Variants in CDH13 observed in about 807,000 individuals in gnomAD.
The protein encoded by CDH13 is cadherin-13.
CDH13 carries 24 observed loss-of-function variants against 63.8 expected under a neutral mutation model. The ratio of observed to expected loss-of-function variants is 0.38; its 90% CI spans 0.27 to 0.53. The LOEUF is 0.53. Among genes scored for constraint, CDH13 ranks in the 20% least tolerant of loss-of-function variants. The pLI is 0.85. For missense variants in CDH13, 1,049 were observed against 903.1 expected (o/e 1.16, Z -2.07); for synonymous variants, 503 against 355.3 (o/e 1.42, Z -4.67).
chr16:83,146,827 C>A (rs1334116063), intron 4 of CDH13, among the ~76,000 whole-genome samples: 2 of 152,174 alleles, frequency 1.3e-5, no homozygotes, highest in African/African-American at 4.8e-5. Context: ...GTGGCTCACG[C>A]CTGTAATTCC....
intron 1 of CDH13, among the ~76,000 whole-genome samples, chr16:82,684,416 G>A (rs750819916): frequency 6.6e-6 from 1 of 152,130 alleles, no homozygotes; most frequent in South Asian, 2.1e-4. Context: ...ACATGAAGAG[G>A]ATGCCTAGAT....
intron 6 of CDH13, among the ~76,000 whole-genome samples, chr16:83,426,663 C>T (rs1030623561): frequency 2.0e-5 from 3 of 152,212 alleles, no homozygotes; most frequent in Non-Finnish European, 4.4e-5. Context: ...CAGCCTACAT[C>T]ATAGTCTGCC....
chr16:82,753,828 G>T (rs1014932716), intron 1 of CDH13, among the ~76,000 whole-genome samples: 2 of 152,168 alleles, frequency 1.3e-5, no homozygotes, highest in African/African-American at 4.8e-5. Flanking sequence ...CAAGAGAGAA[G>T]TGGCCTTGGT....
intron 7 of CDH13, among the ~76,000 whole-genome samples, chr16:83,504,898 G>C (rs1466808547): frequency 6.6e-6 from 1 of 152,178 alleles, no homozygotes; most frequent in African/African-American, 2.4e-5. Context: ...ATGGTGACAT[G>C]TCAACGTAAT....
chr16:83,653,669 G>T (rs1460794619), intron 8 of CDH13, among the ~76,000 whole-genome samples: 1 of 152,166 alleles, frequency 6.6e-6, no homozygotes, highest in Non-Finnish European at 1.5e-5. Flanking sequence ...GAATCAATCT[G>T]TTGGGAAGAG....
At chr16:83,777,892 C>T (rs1028677773) in intron 11 of CDH13, among the ~76,000 whole-genome samples, 1 of 152,012 alleles carries the variant, frequency 6.6e-6, no homozygotes, top group Admixed American at 6.6e-5. Flanking sequence ...TAAAAGAAAG[C>T]CATAGGTTAG....
chr16:82,931,776 T>C (rs2042502715), intron 2 of CDH13, among the ~76,000 whole-genome samples: 1 of 152,134 alleles, frequency 6.6e-6, no homozygotes, highest in South Asian at 2.1e-4. Flanking sequence ...CTCATGAGAC[T>C]TATTTACTAC....
intron 2 of CDH13, among the ~76,000 whole-genome samples, chr16:82,860,384 T>TGGGGGG (rs1197091420): frequency 6.8e-5 from 2 of 29,562 alleles, no homozygotes; most frequent in African/African-American, 1.4e-4. Flanking sequence ...TGTGTGTGTG[T>TGGGGGG]GTGTGGGGGG....
intron 1 of CDH13, among the ~76,000 whole-genome samples, chr16:82,855,966 G>C (rs1597810827): frequency 6.6e-6 from 1 of 152,206 alleles, no homozygotes; most frequent in South Asian, 2.1e-4. Flanking sequence ...TCAACTGTCT[G>C]TGTGCAGTGG....
intron 6 of CDH13, among the ~76,000 whole-genome samples, chr16:83,350,941 G>T (rs1011588883): frequency 6.6e-6 from 1 of 152,124 alleles, no homozygotes; most frequent in Non-Finnish European, 1.5e-5. Flanking sequence ...CGATCAAGTC[G>T]CCTTTGGGAC....
At chr16:82,950,737 A>G (rs1193372125) in intron 2 of CDH13, among the ~76,000 whole-genome samples, 7 of 151,172 alleles carry the variant, frequency 4.6e-5, no homozygotes. Context: ...CCATGACTTT[A>G]TTTTAACTTG....
At chr16:83,409,300 C>T (rs1477066254) in intron 6 of CDH13, among the ~76,000 whole-genome samples, 1 of 152,094 alleles carries the variant, frequency 6.6e-6, no homozygotes, top group African/African-American at 2.4e-5. Flanking sequence ...AAGGCTGCTG[C>T]TAGGGACATT....
chr16:82,873,907 G>A (rs1352363532), intron 2 of CDH13, among the ~76,000 whole-genome samples: 4 of 152,014 alleles, frequency 2.6e-5, no homozygotes, highest in Admixed American at 6.6e-5. Context: ...AGGGATACTT[G>A]TTCTCCCCCA....
At chr16:83,063,275 T>C (rs1369837725) in intron 3 of CDH13, among the ~76,000 whole-genome samples, 1 of 152,154 alleles carries the variant, frequency 6.6e-6, no homozygotes, top group Non-Finnish European at 1.5e-5. Context: ...TGGTTGGCTT[T>C]TAAAGGGAGC....
intron 2 of CDH13, among the ~76,000 whole-genome samples, chr16:82,935,966 C>A (rs923048258): frequency 6.6e-6 from 1 of 152,140 alleles, no homozygotes; most frequent in Non-Finnish European, 1.5e-5. Context: ...GAGGCAGTGT[C>A]TGATTTGCAT....
At chr16:82,960,138 TCAG>T (rs1022155725) in intron 2 of CDH13, among the ~76,000 whole-genome samples, 1 of 152,118 alleles carries the variant, frequency 6.6e-6, no homozygotes, top group Admixed American at 6.5e-5. Flanking sequence ...AGCAGGGAGA[TCAG>T]AAGGGAGCCT....
chr16:82,755,711 C>T (rs1018284712), intron 1 of CDH13, among the ~76,000 whole-genome samples: 3 of 152,148 alleles, frequency 2.0e-5, no homozygotes, highest in Non-Finnish European at 1.5e-5. Context: ...GGTCTATGAG[C>T]AAAACTGAAC....
At chr16:82,883,879 C>T (rs1394970512) in intron 2 of CDH13, among the ~76,000 whole-genome samples, 1 of 152,216 alleles carries the variant, frequency 6.6e-6, no homozygotes, top group Non-Finnish European at 1.5e-5. Flanking sequence ...AGCTCAGCCA[C>T]TGGAGCCCAG....
intron 7 of CDH13, among the ~76,000 whole-genome samples, chr16:83,501,247 T>C (rs2074276908): frequency 6.6e-6 from 1 of 152,248 alleles, no homozygotes; most frequent in Non-Finnish European, 1.5e-5. Flanking sequence ...AGAACAGCTA[T>C]AGAAATGACC....
Sources: allele counts gnomAD v4.1 joint callset (sites outside exome capture counted in the v4.1 genomes callset), GRCh38; gene constraint gnomAD v4.1.1; transcripts MANE v1.5; gene names NCBI Gene and HGNC (gene_info 2026-07-23, HGNC 2026-07-21).